NKAIN3: variants seen among roughly 807,000 people sequenced by gnomAD.
NKAIN3 encodes sodium/potassium-transporting ATPase subunit beta-1-interacting protein 3.
Under a neutral mutation model 30.2 loss-of-function variants are expected in NKAIN3, and 25 were observed. The observed-to-expected ratio is 0.83, with a 90% CI of 0.60 to 1.16. The LOEUF (loss-of-function observed/expected upper bound fraction) is 1.16, where lower values mean the gene tolerates loss of function less well. Among genes scored for constraint, NKAIN3 ranks in the 50% most tolerant of loss-of-function variants. The pLI, the probability that NKAIN3 is intolerant of heterozygous loss-of-function variation, is 0.00. For missense variants in NKAIN3, 225 were observed against 254.1 expected (o/e 0.89, Z 0.78); for synonymous variants, 91 against 89.6 (o/e 1.02, Z -0.09).
chr8:62,331,913 G>A (rs1815371113), intron 1 of NKAIN3, among the ~76,000 whole-genome samples: 1 of 152,046 alleles, frequency 6.6e-6, no homozygotes, highest in South Asian at 2.1e-4. Flanking sequence ...TCTTCTTTGA[G>A]AGGAGATTAC....
chr8:62,486,599 G>A (rs1212248324), intron 1 of NKAIN3, among the ~76,000 whole-genome samples: 1 of 152,124 alleles, frequency 6.6e-6, no homozygotes, highest in East Asian at 1.9e-4. Flanking sequence ...GTTTGACTTG[G>A]TATCCTTGAC....
chr8:62,317,099 C>T (rs1303685558), intron 1 of NKAIN3, among the ~76,000 whole-genome samples: 1 of 152,130 alleles, frequency 6.6e-6, no homozygotes, highest in Non-Finnish European at 1.5e-5. Flanking sequence ...TGTTCATATC[C>T]TTCACCCACT....
At chr8:62,717,107 T>C (rs1233094790) in intron 3 of NKAIN3, among the ~76,000 whole-genome samples, 1 of 152,214 alleles carries the variant, frequency 6.6e-6, no homozygotes, top group Non-Finnish European at 1.5e-5. Flanking sequence ...AGCATGAATG[T>C]TATAGCAAAC....
intron 5 of NKAIN3, among the ~76,000 whole-genome samples, chr8:62,998,326 A>T (rs1242149487): frequency 6.6e-6 from 1 of 151,428 alleles, no homozygotes; most frequent in Non-Finnish European, 1.5e-5. Flanking sequence ...CCCAGGCTGG[A>T]GTGCAGTGGC....
At chr8:62,494,525 G>C (rs1807174883) in intron 1 of NKAIN3, among the ~76,000 whole-genome samples, 1 of 152,064 alleles carries the variant, frequency 6.6e-6, no homozygotes. Context: ...GGATGATGCT[G>C]GCCTCACAGA....
chr8:62,858,927 G>A (rs1333354557), intron 4 of NKAIN3, among the ~76,000 whole-genome samples: 3 of 152,288 alleles, frequency 2.0e-5, no homozygotes, highest in Middle Eastern at 3.4e-3. Context: ...TACAGACACC[G>A]TGCATTGCCT....
At chr8:62,860,580 T>C (rs1820210438) in intron 4 of NKAIN3, among the ~76,000 whole-genome samples, 1 of 152,206 alleles carries the variant, frequency 6.6e-6, no homozygotes, top group African/African-American at 2.4e-5. Context: ...GAAGAGACAG[T>C]GTAATTCACT....
At chr8:62,395,215 A>T (rs544428018) in intron 1 of NKAIN3, among the ~76,000 whole-genome samples, 236 of 144,030 alleles carry the variant, frequency 1.6e-3, no homozygotes, top group African/African-American at 5.8e-3. Context: ...CTCACTTCCC[A>T]GACCGAGGGA....
At chr8:62,907,754 C>A (rs1027955810) in intron 4 of NKAIN3, among the ~76,000 whole-genome samples, 2 of 152,202 alleles carry the variant, frequency 1.3e-5, no homozygotes, top group Non-Finnish European at 2.9e-5. Flanking sequence ...GTTTGAGAAC[C>A]TCCACCTAGA....
chr8:62,783,994 C>G (rs572827588), intron 4 of NKAIN3, among the ~76,000 whole-genome samples: 1 of 151,844 alleles, frequency 6.6e-6, no homozygotes, highest in East Asian at 1.9e-4. Context: ...CAGGACAGAC[C>G]AAATGACAGG....
At chr8:62,570,156 G>A (rs979794994) in intron 1 of NKAIN3, among the ~76,000 whole-genome samples, 6 of 152,258 alleles carry the variant, frequency 3.9e-5, no homozygotes, top group African/African-American at 1.4e-4. Context: ...ATCTCCAGGG[G>A]TACTCACTCC....
In NKAIN3 at chr8:62,984,119, T is replaced by C; in HGVS notation, c.*18712T>C. 1 of 152,340 alleles carries C rather than the reference T, an allele frequency of 6.6e-6. No homozygotes were observed. Among genetic ancestry groups the C allele is most frequent in the East Asian group, 1.9e-4 (1 of 5,180 alleles). The allele number at this position is 152,340 out of a possible 1,614,324, so 9.4% of individuals were successfully genotyped here. On this transcript the variant is annotated 3_prime_UTR_variant, in exon 7 of 7. Coordinates refer to ENST00000623646, the MANE Select transcript of NKAIN3 (RefSeq NM_001304533.3). ...TATTGCTTTATTATTATGTTGATGA[T>C]GATTATTGAAAGCACGATAGCAATG...
At chr8:62,666,810 C>T (rs1813118316) in intron 3 of NKAIN3, among the ~76,000 whole-genome samples, 1 of 152,008 alleles carries the variant, frequency 6.6e-6, no homozygotes, top group Admixed American at 6.6e-5. Flanking sequence ...TGTTCCAGCT[C>T]CTTACCAAAG....
intron 5 of NKAIN3, among the ~76,000 whole-genome samples, chr8:62,942,044 T>C (rs1226302437): frequency 6.6e-6 from 1 of 151,780 alleles, no homozygotes; most frequent in Non-Finnish European, 1.5e-5. Flanking sequence ...AACCTAGAAC[T>C]GATAAATAAA....
At chr8:62,426,801 G>A (rs372723949) in intron 1 of NKAIN3, among the ~76,000 whole-genome samples, 194 of 152,060 alleles carry the variant, frequency 1.3e-3, no homozygotes, top group African/African-American at 4.6e-3. Flanking sequence ...CGTTTGTTGA[G>A]TTGTTTTATT....
chr8:62,556,967 G>T (rs1469231313), intron 1 of NKAIN3, among the ~76,000 whole-genome samples: 1 of 151,872 alleles, frequency 6.6e-6, no homozygotes, highest in African/African-American at 2.4e-5. Flanking sequence ...GTAGGTTATT[G>T]AGGAACAGTT....
intron 1 of NKAIN3, among the ~76,000 whole-genome samples, chr8:62,529,620 G>A (rs1438396897): frequency 1.3e-5 from 2 of 152,048 alleles, no homozygotes; most frequent in African/African-American, 2.4e-5. Flanking sequence ...GCAAGCAGCA[G>A]GCCCTCACCA....
intron 1 of NKAIN3, among the ~76,000 whole-genome samples, chr8:62,462,273 G>A (rs1806022860): frequency 6.6e-6 from 1 of 152,098 alleles, no homozygotes; most frequent in Non-Finnish European, 1.5e-5. Flanking sequence ...CAGAATTGGA[G>A]GGAGAGCAGG....
chr8:62,887,781 A>G (rs1487716143), intron 4 of NKAIN3, among the ~76,000 whole-genome samples: 1 of 152,082 alleles, frequency 6.6e-6, no homozygotes, highest in Non-Finnish European at 1.5e-5. Context: ...TGTGTTTTGC[A>G]TGCTGACCAA....
Sources: gnomAD v4.1 joint callset for allele counts (sites outside exome capture counted in the v4.1 genomes callset) on GRCh38, gnomAD v4.1.1 for gene constraint, MANE v1.5 for transcripts, NCBI Gene and HGNC (gene_info 2026-07-23, HGNC 2026-07-21) for gene names.